IL2RA: variants seen among roughly 807,000 people sequenced by gnomAD.
IL2RA encodes interleukin 2 receptor subunit alpha.
Under a neutral mutation model 37.8 loss-of-function variants are expected in IL2RA, and 24 were observed. The observed-to-expected ratio is 0.63, with a 90% CI of 0.46 to 0.89. The LOEUF (loss-of-function observed/expected upper bound fraction) is 0.89. Ranked by LOEUF, IL2RA falls within the 40% of genes least tolerant of loss-of-function variation. The pLI is 0.00. For synonymous variants in IL2RA, 125 were observed against 114.6 expected, an observed-to-expected ratio of 1.09 and a Z score of -0.58; for missense variants, 319 against 348.6, an observed-to-expected ratio of 0.92 and a Z score of 0.68.
chr10:6,021,739 C>T lies in IL2RA; in HGVS notation c.368-46G>A, dbSNP rs182768172. ...TCTGAAGGCAAGTTGGGGACAGCAC[C>T]GCGAGTGAGTCCAGGTTGCCTCTTG... On this transcript the variant is annotated intron_variant, in intron 3 of 7. Transcript: ENST00000379959. This position sits in a 1 kb window ranked among gnomAD's most constrained non-coding sequence, Gnocchi z 4.9. 2.3e-5 allele frequency: 35 copies of T among 1,524,350 alleles called. No homozygotes were observed. Among genetic ancestry groups the T allele is most frequent in the Middle Eastern group, 1.7e-4 (1 of 5,866 alleles). 94.4% of individuals were successfully genotyped at this position (1,524,350 alleles called of 1,614,324 possible). A position where few individuals can be genotyped will look rare whatever the true frequency, so the allele number is the denominator to read the frequency against.
At chr10:6,026,722 T>C (rs1839489280) in intron 1 of IL2RA, among the ~76,000 whole-genome samples, 1 of 152,236 alleles carries the variant, frequency 6.6e-6, no homozygotes, top group African/African-American at 2.4e-5. Context: ...TGCAACAAGT[T>C]CTCTGCTCTA....
chr10:6,051,526 C>A lies in IL2RA; in HGVS notation c.64+10562G>T, dbSNP rs7916686. Among the ~76,000 whole-genome samples the A allele has an allele frequency of 8.1e-3, 947 of 117,182 alleles. 53 individuals are homozygous for A. The highest frequency in any genetic ancestry group is 0.058 in the Admixed American group (697 of 12,080). The allele number at this position is 117,182 out of a possible 152,430, so 76.9% of individuals were successfully genotyped here. ...ATATATATATATATATATTTTTTTTCTTTTTTTTTTTGAGACGGAGTTTCC... is the reference window on the plus strand; with the variant it reads ...ATATATATATATATATATTTTTTTTATTTTTTTTTTTGAGACGGAGTTTCC... On this transcript the variant is annotated intron_variant, in intron 1 of 7. Coordinates refer to ENST00000379959, the MANE Select transcript of IL2RA (RefSeq NM_000417.3).
In IL2RA at chr10:6,021,053, T is replaced by C. The variant is rs942198; in HGVS notation, c.583+425A>G. On this transcript the variant is annotated intron_variant, in intron 4 of 7. Transcript: ENST00000379959. This position sits in a 1 kb window ranked among gnomAD's most constrained non-coding sequence, Gnocchi z 4.9. The stretch of plus-strand genomic sequence containing the variant: ...ACAAGGGGAAGGAACATGCTGACCG[T>C]GGAGGGCTGTTCAGATCATGCATTT... Among the ~76,000 whole-genome samples the C allele has an allele frequency of 0.97, 147,277 of 152,120 alleles. 71,478 individuals carry two copies. The highest frequency in any genetic ancestry group is 1 in the East Asian group (5,164 of 5,164).
At chr10:6,017,065 C>G (rs1042799406) in intron 7 of IL2RA, 12 of 167,970 alleles carry the variant, frequency 7.1e-5, no homozygotes, top group Non-Finnish European at 1.0e-4. Flanking sequence ...GATGTCACAG[C>G]TATGAATAAC....
rs1439672181 is a variant in IL2RA, at chr10:6,012,157, C to T, written c.*715G>A. 1 of 152,640 alleles carries T rather than the reference C, an allele frequency of 6.6e-6. No homozygotes were observed. Among genetic ancestry groups the T allele is most frequent in the African/African-American group, 2.4e-5 (1 of 41,456 alleles). 9.5% of individuals were successfully genotyped at this position (152,640 alleles called of 1,614,324 possible). On this transcript the variant is annotated 3_prime_UTR_variant, in exon 8 of 8. Coordinates refer to ENST00000379959, the MANE Select transcript of IL2RA (RefSeq NM_000417.3). This position sits in a 1 kb window ranked among gnomAD's most constrained non-coding sequence, Gnocchi z 4.8. ...TTCTCTGCCTGGGACCTCATTCATC[C>T]TTCTGTTCCTGACATTGCCTCATGG...
At chr10:6,030,769 A>G (rs1839563202) in intron 1 of IL2RA, among the ~76,000 whole-genome samples, 1 of 152,248 alleles carries the variant, frequency 6.6e-6, no homozygotes, top group Admixed American at 6.5e-5. Flanking sequence ...ACAACTGTTT[A>G]AAACAAAAAT....
rs1265125444 is a variant in IL2RA at position 6,018,162 on chromosome 10, G to A, written c.728-43C>T. ...GAGTTCAGCAAAGGGCCCTGGGCTT[G>A]GCATGGGGGCAGCAGGAGCCAGGGC... On this transcript the variant is annotated intron_variant, in intron 6 of 7. Transcript: ENST00000379959. The surrounding 1 kb of genome is among the most constrained non-coding windows in gnomAD (Gnocchi z 5.1). 2 of 1,523,554 alleles carry A rather than the reference G, an allele frequency of 1.3e-6. No individual in the cohort carries two copies. Among genetic ancestry groups the A allele is most frequent in the East Asian group, 2.3e-5 (1 of 44,372 alleles). 94.4% of individuals were successfully genotyped at this position (1,523,554 alleles called of 1,614,324 possible).
In IL2RA at chr10:6,024,235, A is replaced by T. The variant is rs1039385689; in HGVS notation, c.367+9T>A. 5.1e-6 allele frequency: 8 copies of T among 1,582,064 alleles called. No individual in the cohort carries two copies. The highest frequency in any genetic ancestry group is 6.1e-6 in the Non-Finnish European group (7 of 1,150,924). ...CAGGAGTTAGCTGGAGGACAGATTC[A>T]TCTCTCACCTGGAAGGCTCGCTTGG... On this transcript the variant is annotated intron_variant, in intron 3 of 7. Transcript: ENST00000379959.
intron 1 of IL2RA, among the ~76,000 whole-genome samples, chr10:6,043,452 T>C (rs899512085): frequency 1.3e-5 from 2 of 152,160 alleles, no homozygotes; most frequent in African/African-American, 4.8e-5. Context: ...GTTTTGTTTT[T>C]TTTTGAGATG....
rs1442816606 is a variant in IL2RA at position 6,046,279 on chromosome 10, G to A, written c.64+15809C>T. Among the ~76,000 whole-genome samples the A allele has an allele frequency of 6.6e-6, 1 of 152,176 alleles. No homozygotes were observed. The highest frequency in any genetic ancestry group is 1.5e-5 in the Non-Finnish European group (1 of 68,036). The stretch of plus-strand genomic sequence containing the variant: ...ACAGGGAGAAAACCATGGGAAGTGG[G>A]GAGCACTGATTGAGGTTCTGGGGTC... On this transcript the variant is annotated intron_variant, in intron 1 of 7. Coordinates refer to ENST00000379959, the MANE Select transcript of IL2RA (RefSeq NM_000417.3). This position sits in a 1 kb window ranked among gnomAD's most constrained non-coding sequence, Gnocchi z 4.8.
chr10:6,016,577 CTTT>C (rs749966800), intron 7 of IL2RA, among the ~76,000 whole-genome samples: 1 of 145,726 alleles, frequency 6.9e-6, no homozygotes. Context: ...TTACCTTTTT[CTTT>C]TTTTTTTTTG....
chr10:6,054,975 G>A lies in IL2RA; in HGVS notation c.64+7113C>T, dbSNP rs145812049. On this transcript the variant is annotated intron_variant, in intron 1 of 7. Transcript: ENST00000379959. This position sits in a 1 kb window ranked among gnomAD's most constrained non-coding sequence, Gnocchi z 4.5. ...GCCTCCCAAAGTGCAGGTATTACAGGCATGAGCTATCACACTCAGCCTATT... is the reference window on the plus strand; with the variant it reads ...GCCTCCCAAAGTGCAGGTATTACAGACATGAGCTATCACACTCAGCCTATT... Among the ~76,000 whole-genome samples, 542 of 152,232 alleles carry A rather than the reference G, an allele frequency of 3.6e-3. 5 individuals carry two copies. Among genetic ancestry groups the A allele is most frequent in the African/African-American group, 0.012 (492 of 41,530 alleles).
rs77566322 is a variant in IL2RA at position 6,056,751 on chromosome 10, A to G, written c.64+5337T>C. ...CCTGGGCGACAGAGCGAAACTGTCC[A>G]AAAAAAAAAAAGATTCCCCTTTCTC... On this transcript the variant is annotated intron_variant, in intron 1 of 7. Transcript: ENST00000379959. The surrounding 1 kb of genome is among the most constrained non-coding windows in gnomAD (Gnocchi z 5.0). 1.6e-3 allele frequency among the ~76,000 whole-genome samples: 233 copies of G among 145,428 alleles called. 1 individual carries two copies. The highest frequency in any genetic ancestry group is 4.8e-3 in the Admixed American group (70 of 14,528).
intron 7 of IL2RA, 69 bp downstream of exon 7, chr10:6,017,984 G>A: frequency 2.4e-6 from 3 of 1,252,226 alleles, no homozygotes; most frequent in Non-Finnish European, 3.5e-6. Context: ...GGGGTAGGGG[G>A]GAGGCAGGGT....
At position 6,012,614 on chromosome 10, in the gene IL2RA, T is replaced by C; in HGVS notation, c.*258A>G. On this transcript the variant is annotated 3_prime_UTR_variant, in exon 8 of 8. Transcript: ENST00000379959. This position sits in a 1 kb window ranked among gnomAD's most constrained non-coding sequence, Gnocchi z 4.8. The stretch of plus-strand genomic sequence containing the variant: ...AAAATAAGATGGAGAGTTCTAGTGG[T>C]TTTGCCCTTCCTCTTCAACGGCGAA... 1 of 586,780 alleles carries C rather than the reference T, an allele frequency of 1.7e-6. No homozygotes were observed. Among genetic ancestry groups the C allele is most frequent in the Non-Finnish European group, 3.0e-6 (1 of 328,100 alleles). The allele number at this position is 586,780 out of a possible 1,614,324, so 36.3% of individuals were successfully genotyped here.
intron 7 of IL2RA, among the ~76,000 whole-genome samples, chr10:6,016,149 G>A (rs1564540202): frequency 6.8e-6 from 1 of 147,622 alleles, no homozygotes; most frequent in Non-Finnish European, 1.5e-5. Context: ...GGTCGCGAGG[G>A]CTCTGCCTCA....
Position 6,014,888 on chromosome 10 carries a change from G to T in IL2RA, c.795-1992C>A, listed in dbSNP as rs989411106. Among the ~76,000 whole-genome samples the T allele has an allele frequency of 6.6e-6, 1 of 151,992 alleles. No individual in the cohort carries two copies. The highest frequency in any genetic ancestry group is 2.4e-5 in the African/African-American group (1 of 41,382). On this transcript the variant is annotated intron_variant, in intron 7 of 7. Coordinates refer to ENST00000379959, the MANE Select transcript of IL2RA (RefSeq NM_000417.3). The surrounding 1 kb of genome is among the most constrained non-coding windows in gnomAD (Gnocchi z 4.4). The stretch of plus-strand genomic sequence containing the variant: ...TGATGACCCATATAAGAAGGGAAGA[G>T]ATATTTTATTTTTCTCTCTGGCTGG...
chr10:6,012,783 C>A lies in IL2RA; in HGVS notation c.*89G>T. 3 of 1,367,038 alleles carry A rather than the reference C, an allele frequency of 2.2e-6. No individual in the cohort carries two copies. Among genetic ancestry groups the A allele is most frequent in the African/African-American group, 1.4e-5 (1 of 70,058 alleles). The allele number at this position is 1,367,038 out of a possible 1,614,324, so 84.7% of individuals were successfully genotyped here. A position where few individuals can be genotyped will look rare whatever the true frequency, so the allele number is the denominator to read the frequency against. ...GCACAACGGATGTCTCCTGGGCGAC[C>A]ATTTAGCACCTTTGATTTCACTTGG... On this transcript the variant is annotated 3_prime_UTR_variant, in exon 8 of 8. Coordinates refer to ENST00000379959, the MANE Select transcript of IL2RA (RefSeq NM_000417.3). This position sits in a 1 kb window ranked among gnomAD's most constrained non-coding sequence, Gnocchi z 4.8.
At position 6,025,717 on chromosome 10, in the gene IL2RA, T is replaced by A; in HGVS notation, c.256+117A>T. 1 of 962,960 alleles carries A rather than the reference T, an allele frequency of 1.0e-6. No individual in the cohort carries two copies. The highest frequency in any genetic ancestry group is 1.6e-6 in the Non-Finnish European group (1 of 606,120). 59.7% of individuals were successfully genotyped at this position (962,960 alleles called of 1,614,324 possible). A position where few individuals can be genotyped will look rare whatever the true frequency, so the allele number is the denominator to read the frequency against. The stretch of plus-strand genomic sequence containing the variant: ...TTTCAGGAACCACTAAAATTAGTTA[T>A]CCTGTAGACTGGACTGGCCCATTTG... On this transcript the variant is annotated intron_variant, in intron 2 of 7. Coordinates refer to ENST00000379959, the MANE Select transcript of IL2RA (RefSeq NM_000417.3). This position sits in a 1 kb window ranked among gnomAD's most constrained non-coding sequence, Gnocchi z 4.4.
Sources: allele counts gnomAD v4.1 joint callset (sites outside exome capture counted in the v4.1 genomes callset), GRCh38; gene constraint gnomAD v4.1.1; non-coding constraint Gnocchi (gnomAD v3.1); transcripts MANE v1.5; gene names NCBI Gene and HGNC (gene_info 2026-07-23, HGNC 2026-07-21).